ERC1: variants seen among roughly 807,000 people sequenced by gnomAD.
The protein encoded by ERC1 is RAB6 interacting protein 2.
ERC1 carries 56 observed loss-of-function variants against 132.0 expected under a neutral mutation model. The ratio of observed to expected loss-of-function variants is 0.42; its 90% CI spans 0.34 to 0.53. The LOEUF (loss-of-function observed/expected upper bound fraction) is 0.53. ERC1 is among the 20% of genes least tolerant of loss of function. ERC1 has a pLI of 0.03. For synonymous variants in ERC1, 478 were observed against 476.1 expected, an observed-to-expected ratio of 1.00 and a Z score of -0.05; for missense variants, 1,202 against 1,349.9, an observed-to-expected ratio of 0.89 and a Z score of 1.72.
chr12:1,423,155 C>G (rs558956986), intron 17 of ERC1, among the ~76,000 whole-genome samples: 2 of 152,158 alleles, frequency 1.3e-5, no homozygotes. Context: ...CAAGTTTAAC[C>G]GATCAGGAAC....
At chr12:1,012,577 A>G (rs1412757064) in intron 1 of ERC1, among the ~76,000 whole-genome samples, 1 of 143,468 alleles carries the variant, frequency 7.0e-6, no homozygotes, top group Non-Finnish European at 1.5e-5. Flanking sequence ...GGTTCAAGCT[A>G]TTCTTCTGCC....
intron 6 of ERC1, among the ~76,000 whole-genome samples, chr12:1,114,412 T>C (rs74912338): frequency 0.011 from 1,709 of 152,336 alleles, 28 homozygotes; most frequent in East Asian, 0.078. Flanking sequence ...ATAATGCAGA[T>C]GATGACGAAA....
At chr12:1,278,861 G>A (rs1009668868) in intron 14 of ERC1, among the ~76,000 whole-genome samples, 1 of 152,110 alleles carries the variant, frequency 6.6e-6, no homozygotes, top group African/African-American at 2.4e-5. Flanking sequence ...GCAGCAACAT[G>A]AACTCTTTCT....
At chr12:1,178,062 C>A (rs991759305) in intron 8 of ERC1, among the ~76,000 whole-genome samples, 3 of 152,112 alleles carry the variant, frequency 2.0e-5, no homozygotes, top group African/African-American at 7.2e-5. Context: ...CAGTGGTTCA[C>A]CCATACGATT....
chr12:1,025,729 T>C (rs1394060752), intron 1 of ERC1, among the ~76,000 whole-genome samples: 2 of 152,174 alleles, frequency 1.3e-5, no homozygotes, highest in African/African-American at 4.8e-5. Context: ...ATTTCCTCAC[T>C]GTATTAGTCT....
At chr12:1,041,203 CTCTT>C (rs760302315) in intron 2 of ERC1, among the ~76,000 whole-genome samples, 185 of 138,440 alleles carry the variant, frequency 1.3e-3, no homozygotes, top group Admixed American at 2.9e-3. Context: ...TTGCAAGTCT[CTCTT>C]TCTTTTTTTT....
intron 15 of ERC1, among the ~76,000 whole-genome samples, chr12:1,306,409 A>G (rs1433086238): frequency 6.6e-6 from 1 of 152,202 alleles, no homozygotes; most frequent in Non-Finnish European, 1.5e-5. Context: ...TTCAGTTGCT[A>G]ATTTCCTGTG....
intron 12 of ERC1, among the ~76,000 whole-genome samples, chr12:1,216,615 T>TGGGGGGGGG (rs1265115026): frequency 2.0e-4 from 1 of 5,084 alleles, no homozygotes; most frequent in African/African-American, 6.9e-4. Flanking sequence ...GGAGGAGGGA[T>TGGGGGGGGG]GGGGGGTGGG....
At chr12:1,082,857 C>T (rs562916039) in intron 2 of ERC1, among the ~76,000 whole-genome samples, 2 of 152,246 alleles carry the variant, frequency 1.3e-5, no homozygotes, top group South Asian at 4.1e-4. Flanking sequence ...CCCACATTCC[C>T]TCAAATTTAG....
At chr12:1,414,062 C>G (rs2091985543) in intron 17 of ERC1, among the ~76,000 whole-genome samples, 1 of 152,134 alleles carries the variant, frequency 6.6e-6, no homozygotes. Context: ...GTTTGCGCTC[C>G]CGTGAGAATC....
At chr12:1,099,291 A>G (rs1944398434) in intron 3 of ERC1, among the ~76,000 whole-genome samples, 1 of 152,208 alleles carries the variant, frequency 6.6e-6, no homozygotes, top group Admixed American at 6.5e-5. Flanking sequence ...AGGCATTTGA[A>G]CACCTTGGAG....
chr12:1,225,450 ACACACACACACACACACACACACAC>A (rs1426386882), intron 12 of ERC1, among the ~76,000 whole-genome samples: 2 of 50,826 alleles, frequency 3.9e-5, no homozygotes, highest in East Asian at 5.8e-4. Flanking sequence ...GCTGTCTCTT[ACACACACACACACACACACACACAC>A]ACACACACAC....
At chr12:1,437,452 C>A (rs913613694) in intron 17 of ERC1, among the ~76,000 whole-genome samples, 4 of 152,170 alleles carry the variant, frequency 2.6e-5, no homozygotes, top group African/African-American at 7.2e-5. Flanking sequence ...TCTTGACATC[C>A]TTTTGTAGCA....
chr12:1,100,207 G>A lies in ERC1; in HGVS notation c.1087-4543G>A, dbSNP rs146344075. Reference sequence around the variant, plus strand: ...AGGGAAGGAGAGAGCCTGTCAAAGGGAGCAGTGAGTGAAAGGCCTTAAGTC... The same window carrying A: ...AGGGAAGGAGAGAGCCTGTCAAAGGAAGCAGTGAGTGAAAGGCCTTAAGTC... On this transcript the variant is annotated intron_variant, in intron 3 of 18. Transcript: ENST00000360905. Among the ~76,000 whole-genome samples the A allele has an allele frequency of 2.6e-3, 401 of 152,090 alleles. 3 individuals carry two copies. Among genetic ancestry groups the A allele is most frequent in the Non-Finnish European group, 3.8e-3 (255 of 67,978 alleles).
At chr12:1,356,457 G>A (rs2085549656) in intron 15 of ERC1, among the ~76,000 whole-genome samples, 1 of 152,066 alleles carries the variant, frequency 6.6e-6, no homozygotes, top group Admixed American at 6.6e-5. Flanking sequence ...GTTTTTGTGT[G>A]TGTGTGTCTT....
intron 3 of ERC1, among the ~76,000 whole-genome samples, chr12:1,096,142 G>C (rs986351532): frequency 6.6e-6 from 1 of 152,090 alleles, no homozygotes; most frequent in African/African-American, 2.4e-5. Context: ...TGCCCAGGCT[G>C]GTCTCGAACT....
intron 2 of ERC1, among the ~76,000 whole-genome samples, chr12:1,037,994 G>A (rs1300495167): frequency 2.0e-5 from 3 of 151,176 alleles, no homozygotes; most frequent in Admixed American, 2.0e-4. Flanking sequence ...CAGTGAGCCC[G>A]AGATTGCGCC....
intron 6 of ERC1, among the ~76,000 whole-genome samples, chr12:1,114,092 C>G (rs1296241545): frequency 6.6e-6 from 1 of 151,986 alleles, no homozygotes; most frequent in Non-Finnish European, 1.5e-5. Flanking sequence ...GGCGAGATCT[C>G]GGCTCACTGC....
chr12:1,237,848 TAAC>T (rs2075526965), intron 13 of ERC1, among the ~76,000 whole-genome samples: 1 of 152,216 alleles, frequency 6.6e-6, no homozygotes, highest in African/African-American at 2.4e-5. Flanking sequence ...TTTCTCTAGT[TAAC>T]AATTTCTAAT....
Sources: allele counts gnomAD v4.1 joint callset (sites outside exome capture counted in the v4.1 genomes callset), GRCh38; gene constraint gnomAD v4.1.1; transcripts MANE v1.5; gene names NCBI Gene and HGNC (gene_info 2026-07-23, HGNC 2026-07-21).